The following ZDHHC21 variants were observed in gnomAD, a reference collection of about 807,000 sequenced individuals.
The protein encoded by ZDHHC21 is palmitoyltransferase ZDHHC21.
ZDHHC21 carries 15 observed loss-of-function variants against 34.6 expected under a neutral mutation model. The ratio of observed to expected loss-of-function variants is 0.43; its 90% confidence interval spans 0.29 to 0.67. ZDHHC21 has a LOEUF of 0.67. Ranked by LOEUF, ZDHHC21 falls within the 30% of genes least tolerant of loss-of-function variation. ZDHHC21 has a pLI of 0.14. For synonymous variants in ZDHHC21, 142 were observed against 101.8 expected (o/e 1.40, Z -2.38); for missense variants, 344 against 327.7 (o/e 1.05, Z -0.38).
chr9:14,626,168 G>T (rs904232262), intron 8 of ZDHHC21, among the ~76,000 whole-genome samples: 1 of 151,678 alleles, frequency 6.6e-6, no homozygotes, highest in Non-Finnish European at 1.5e-5. Context: ...AAATAAGATG[G>T]GCATTTAACA....
intron 7 of ZDHHC21, among the ~76,000 whole-genome samples, chr9:14,653,277 T>A (rs373960084): frequency 2.0e-5 from 3 of 152,036 alleles, no homozygotes; most frequent in East Asian, 3.9e-4. Context: ...GGAAAAGACT[T>A]GCAAAAAACA....
At chr9:14,658,371 T>C (rs1209107569) in intron 7 of ZDHHC21, among the ~76,000 whole-genome samples, 1 of 151,580 alleles carries the variant, frequency 6.6e-6, no homozygotes, top group Non-Finnish European at 1.5e-5. Context: ...TCCAATCTTT[T>C]GTTGTTTTGT....
chr9:14,682,955 T>C (rs576736995), intron 2 of ZDHHC21, among the ~76,000 whole-genome samples: 1 of 152,258 alleles, frequency 6.6e-6, no homozygotes, highest in South Asian at 2.1e-4. Context: ...CATAACGAAA[T>C]GAAGGCAGAA....
intron 5 of ZDHHC21, among the ~76,000 whole-genome samples, chr9:14,665,446 T>A (rs1335365111): frequency 2.0e-5 from 3 of 149,280 alleles, no homozygotes; most frequent in African/African-American, 7.4e-5. Flanking sequence ...CCAGGAGAAC[T>A]TCCCCAATCT....
chr9:14,651,986 G>A (rs990266926), intron 7 of ZDHHC21, among the ~76,000 whole-genome samples: 2 of 151,770 alleles, frequency 1.3e-5, no homozygotes, highest in Non-Finnish European at 2.9e-5. Context: ...CATTACTTTC[G>A]AGAGGGGTTT....
intron 5 of ZDHHC21, among the ~76,000 whole-genome samples, chr9:14,672,006 A>G (rs765752377): frequency 8.5e-5 from 13 of 152,162 alleles, no homozygotes; most frequent in Non-Finnish European, 1.5e-4. Flanking sequence ...AAAAGTTTAT[A>G]AAGTCAAATT....
At chr9:14,659,893 A>T (rs1334523010) in intron 6 of ZDHHC21, among the ~76,000 whole-genome samples, 1 of 152,166 alleles carries the variant, frequency 6.6e-6, no homozygotes, top group Non-Finnish European at 1.5e-5. Context: ...TACACTCAAA[A>T]GTGCTCTTCA....
At chr9:14,599,703 G>T in the ZDHHC21 span, among the ~76,000 whole-genome samples, 1 of 152,196 alleles carries the variant, frequency 6.6e-6, no homozygotes, top group African/African-American at 2.4e-5. Flanking sequence ...AGATCCACTG[G>T]CTTGAAATTC....
intron 2 of ZDHHC21, among the ~76,000 whole-genome samples, chr9:14,681,730 GGT>G (rs34935934): frequency 0.23 from 33,508 of 148,400 alleles, 3,916 homozygotes; most frequent in East Asian, 0.43. Flanking sequence ...TAAGGGGAAT[GGT>G]GTGTGTGTGT....
chr9:14,613,562 T>G lies in ZDHHC21; in HGVS notation c.*5404A>C, dbSNP rs1823684852. ...AAAAAGCCCACAACTTCTGTTAAGC[T>G]ATTTTGTCCGCATCTTTGTTTATAT... On this transcript the variant is annotated 3_prime_UTR_variant, in exon 10 of 10. Coordinates refer to ENST00000380916, the MANE Select transcript of ZDHHC21 (RefSeq NM_178566.6). 6.6e-6 allele frequency: 1 copy of G among 151,880 alleles called. No individual in the cohort carries two copies. The highest frequency in any genetic ancestry group is 2.1e-4 in the South Asian group (1 of 4,832). The allele number at this position is 151,880 out of a possible 1,614,324, so 9.4% of individuals were successfully genotyped here.
rs892747362 is a variant in ZDHHC21 at position 14,621,094 on chromosome 9, G to A, written c.622-1412C>T. Among the ~76,000 whole-genome samples the A allele has an allele frequency of 2.0e-5, 3 of 151,974 alleles. No individual in the cohort carries two copies. The East Asian group carries it at 5.8e-4, about 29-fold the overall frequency. On this transcript the variant is annotated intron_variant, in intron 8 of 9. Transcript: ENST00000380916. Reference sequence around the variant, plus strand: ...AGTAAGTCATTTTAATGGTTTCTTAGAGTTTTGATAGTAACACATTGTTCC... The same window carrying A: ...AGTAAGTCATTTTAATGGTTTCTTAAAGTTTTGATAGTAACACATTGTTCC...
At chr9:14,605,525 TCA>T in the ZDHHC21 span, among the ~76,000 whole-genome samples, 1 of 152,114 alleles carries the variant, frequency 6.6e-6, no homozygotes, top group Non-Finnish European at 1.5e-5. Context: ...CATTATTTAA[TCA>T]GTCTTTATAT....
intron 2 of ZDHHC21, chr9:14,683,819 C>G (rs10116802): frequency 6.6e-6 from 1 of 152,142 alleles, no homozygotes; most frequent in Non-Finnish European, 1.5e-5. Flanking sequence ...ACTGGCAAAC[C>G]GAATCCAGCA....
At position 14,617,710 on chromosome 9, in the gene ZDHHC21, C is replaced by A. The variant is rs1824501025; in HGVS notation, c.*1256G>T. On this transcript the variant is annotated 3_prime_UTR_variant, in exon 10 of 10. Coordinates refer to ENST00000380916, the MANE Select transcript of ZDHHC21 (RefSeq NM_178566.6). ...TTTCATACAAATGTTCTATGCCTTG[C>A]AAAAGAACATCACTATTAGTAATTT... is the stretch of plus-strand genomic sequence containing the variant. 6.6e-6 allele frequency: 1 copy of A among 151,750 alleles called. No individual in the cohort carries two copies. Among genetic ancestry groups the A allele is most frequent in the Admixed American group, 6.6e-5 (1 of 15,218 alleles). The allele number at this position is 151,750 out of a possible 1,614,324, so 9.4% of individuals were successfully genotyped here.
At chr9:14,607,789 C>T (rs965322108), downstream of ZDHHC21, among the ~76,000 whole-genome samples, 1 of 152,154 alleles carries the variant, frequency 6.6e-6, no homozygotes, top group East Asian at 1.9e-4. Context: ...AAAAAGAAGA[C>T]TCTACAGGGC....
chr9:14,621,349 A>T (rs1329774234), intron 8 of ZDHHC21, among the ~76,000 whole-genome samples: 2 of 152,088 alleles, frequency 1.3e-5, no homozygotes. Context: ...GAGAAATTAC[A>T]ACTTGTTTAT....
chr9:14,620,813 T>C (rs538365110), intron 8 of ZDHHC21, among the ~76,000 whole-genome samples: 45 of 152,092 alleles, frequency 3.0e-4, no homozygotes, highest in Non-Finnish European at 5.6e-4. Context: ...ACCAACAACA[T>C]AGTTTCATTT....
At chr9:14,593,700 C>T in the ZDHHC21 span, 1 of 152,458 alleles carries the variant, frequency 6.6e-6, no homozygotes, top group Non-Finnish European at 1.5e-5. Flanking sequence ...TGGACATGTC[C>T]CTAGTTAAGC....
At chr9:14,634,379 C>A (rs979639149) in intron 8 of ZDHHC21, among the ~76,000 whole-genome samples, 1 of 152,214 alleles carries the variant, frequency 6.6e-6, no homozygotes, top group Non-Finnish European at 1.5e-5. Flanking sequence ...CCTGAACAAG[C>A]CACGTGGAGG....
Sources: allele counts gnomAD v4.1 joint callset (sites outside exome capture counted in the v4.1 genomes callset), GRCh38; gene constraint gnomAD v4.1.1; transcripts MANE v1.5; gene names NCBI Gene and HGNC (gene_info 2026-07-23, HGNC 2026-07-21).